The following NTRK2 variants were observed in gnomAD, a reference collection of about 807,000 sequenced individuals.
NTRK2 encodes neurotrophic receptor tyrosine kinase 2, also known as BDNF/NT-3 growth factors receptor.
Under a neutral mutation model 94.5 loss-of-function variants are expected in NTRK2, and 13 were observed. The ratio of observed to expected loss-of-function variants is 0.14; its 90% CI spans 0.09 to 0.22. NTRK2 has a LOEUF of 0.22. Ranked by LOEUF, NTRK2 falls within the 10% of genes least tolerant of loss-of-function variation. The pLI is 1.00. For missense variants in NTRK2, 639 were observed against 1,071.2 expected (o/e 0.60, Z 5.63); for synonymous variants, 372 against 407.4 (o/e 0.91, Z 1.05).
chr9:84,860,454 C>A (rs558558253), intron 12 of NTRK2, among the ~76,000 whole-genome samples: 13 of 152,244 alleles, frequency 8.5e-5, no homozygotes, highest in Admixed American at 8.5e-4. Context: ...GAATTAAGAT[C>A]TTTTTTTCCC....
intron 12 of NTRK2, among the ~76,000 whole-genome samples, chr9:84,851,569 G>A (rs189687068): frequency 2.1e-4 from 32 of 152,226 alleles, no homozygotes; most frequent in Non-Finnish European, 1.0e-4. Context: ...TATTGTGTTG[G>A]CCTCACACAT....
intron 12 of NTRK2, among the ~76,000 whole-genome samples, chr9:84,756,552 T>C (rs991393912): frequency 2.6e-5 from 4 of 152,324 alleles, no homozygotes; most frequent in East Asian, 3.9e-4. Context: ...TTTTGTGTTA[T>C]TTACATTTCC....
At chr9:84,763,418 A>G (rs540279765) in intron 12 of NTRK2, among the ~76,000 whole-genome samples, 3 of 151,628 alleles carry the variant, frequency 2.0e-5, no homozygotes, top group East Asian at 1.9e-4. Context: ...TTCTGATTTC[A>G]TCTTCTTCCA....
At chr9:84,771,276 A>G (rs1374105513) in intron 12 of NTRK2, among the ~76,000 whole-genome samples, 3 of 152,226 alleles carry the variant, frequency 2.0e-5, no homozygotes, top group Admixed American at 2.0e-4. Context: ...TGAGGTGGTC[A>G]CGCTCGGTCC....
chr9:84,875,277 G>A (rs2076021069), intron 14 of NTRK2: 1 of 1,058,442 alleles, frequency 9.4e-7, no homozygotes, highest in South Asian at 4.6e-5. Context: ...TCCCAGTTTT[G>A]TATTTTGTAT....
chr9:85,007,201 T>A (rs530913286), intron 17 of NTRK2, among the ~76,000 whole-genome samples: 3 of 152,210 alleles, frequency 2.0e-5, no homozygotes, highest in Non-Finnish European at 4.4e-5. Context: ...TTTTGGTGCC[T>A]AAGAACATGG....
intron 17 of NTRK2, among the ~76,000 whole-genome samples, chr9:85,005,664 T>G (rs1830878240): frequency 6.6e-6 from 1 of 152,216 alleles, no homozygotes; most frequent in Non-Finnish European, 1.5e-5. Context: ...CTGCTTGCTT[T>G]TGAAACACAT....
chr9:84,993,289 C>T (rs1330986547), intron 17 of NTRK2, among the ~76,000 whole-genome samples: 1 of 152,198 alleles, frequency 6.6e-6, no homozygotes, highest in Non-Finnish European at 1.5e-5. Context: ...CAGTCATTCT[C>T]ACTTGCTCAG....
At chr9:84,885,989 C>G (rs768630161) in intron 14 of NTRK2, among the ~76,000 whole-genome samples, 15 of 151,932 alleles carry the variant, frequency 9.9e-5, no homozygotes, top group Non-Finnish European at 7.4e-5. Context: ...TGAGATTGCG[C>G]CACTGCACTC....
chr9:84,904,395 T>G (rs1254871769), intron 14 of NTRK2, among the ~76,000 whole-genome samples: 2 of 152,244 alleles, frequency 1.3e-5, no homozygotes, highest in African/African-American at 4.8e-5. Flanking sequence ...CTTCCCATTC[T>G]TTGCTTTATC....
At chr9:84,950,763 C>T (rs1320261954) in intron 16 of NTRK2, among the ~76,000 whole-genome samples, 1 of 152,172 alleles carries the variant, frequency 6.6e-6, no homozygotes, top group African/African-American at 2.4e-5. Flanking sequence ...ATCTCAAGGT[C>T]TAGTGTGTGC....
chr9:84,699,110 C>T (rs2060565657), intron 2 of NTRK2, among the ~76,000 whole-genome samples: 2 of 148,962 alleles, frequency 1.3e-5, no homozygotes, highest in African/African-American at 5.0e-5. Context: ...GATCTCGGCT[C>T]ATGTCAAGCT....
chr9:85,008,824 G>C (rs1831255493), intron 17 of NTRK2, among the ~76,000 whole-genome samples: 1 of 152,188 alleles, frequency 6.6e-6, no homozygotes, highest in Non-Finnish European at 1.5e-5. Context: ...AAATCCTGCG[G>C]CAAGGGTTTC....
intron 6 of NTRK2, among the ~76,000 whole-genome samples, chr9:84,723,095 GTTAC>G (rs1320716818): frequency 6.6e-6 from 1 of 152,188 alleles, no homozygotes; most frequent in Non-Finnish European, 1.5e-5. Context: ...ATTTGTGAGA[GTTAC>G]TTAAAGCAAA....
At chr9:85,003,459 A>G (rs908367824) in intron 17 of NTRK2, among the ~76,000 whole-genome samples, 1 of 152,192 alleles carries the variant, frequency 6.6e-6, no homozygotes, top group Non-Finnish European at 1.5e-5. Flanking sequence ...TAAGTGCAAT[A>G]AAGAAGGAAG....
chr9:84,879,436 T>C (rs1037986681), intron 14 of NTRK2, among the ~76,000 whole-genome samples: 2 of 152,248 alleles, frequency 1.3e-5, no homozygotes, highest in African/African-American at 4.8e-5. Flanking sequence ...AGCCAGTTTC[T>C]TAATGCCATG....
In NTRK2 at chr9:84,744,840, C is replaced by T. The variant is rs114689924; in HGVS notation, c.1196-133C>T. On this transcript the variant is annotated intron_variant, in intron 10 of 18. Coordinates refer to ENST00000277120, the MANE Select transcript of NTRK2 (RefSeq NM_006180.6). ...TCAGCAGCCTGGTCACGTCCCTCCACAGCCAGACTGTCGGGGGTTTGGAAT... is the reference window on the plus strand; with the variant it reads ...TCAGCAGCCTGGTCACGTCCCTCCATAGCCAGACTGTCGGGGGTTTGGAAT... 321 of 786,324 alleles carry T rather than the reference C, an allele frequency of 4.1e-4. 1 individual carries two copies. The African/African-American group carries it at 4.8e-3, about 12-fold the overall frequency. The allele number at this position is 786,324 out of a possible 1,614,324, so 48.7% of individuals were successfully genotyped here. A position where few individuals can be genotyped will look rare whatever the true frequency, so the allele number is the denominator to read the frequency against.
At position 84,938,163 on chromosome 9, in the gene NTRK2, T is replaced by A. The variant is rs540830308; in HGVS notation, c.1764+3871T>A. ...TTGGCAAGATAAAAAATGGTAAAAT[T>A]TGACTTCAGCAAGCACTTTCGTTGG... is the stretch of plus-strand genomic sequence containing the variant. On this transcript the variant is annotated intron_variant, in intron 15 of 18. Transcript: ENST00000277120. 1.1e-4 allele frequency among the ~76,000 whole-genome samples: 17 copies of A among 152,306 alleles called. No individual in the cohort carries two copies. The South Asian group carries it at 3.5e-3, about 32-fold the overall frequency.
intron 17 of NTRK2, among the ~76,000 whole-genome samples, chr9:84,958,439 C>A (rs1341485066): frequency 6.6e-6 from 1 of 152,222 alleles, no homozygotes; most frequent in Non-Finnish European, 1.5e-5. Context: ...TGGCAATATT[C>A]TGAAGTACTT....
Sources: allele counts gnomAD v4.1 joint callset (sites outside exome capture counted in the v4.1 genomes callset), GRCh38; gene constraint gnomAD v4.1.1; transcripts MANE v1.5; gene names NCBI Gene and HGNC (gene_info 2026-07-23, HGNC 2026-07-21).